Variants in TLN2 observed in about 807,000 individuals in gnomAD.
TLN2 encodes talin-2.
Under a neutral mutation model 294.7 loss-of-function variants are expected in TLN2, and 118 were observed. The ratio of observed to expected loss-of-function variants is 0.40; its 90% CI spans 0.34 to 0.47. The LOEUF (loss-of-function observed/expected upper bound fraction) is 0.47. TLN2 is among the 20% of genes least tolerant of loss of function. TLN2 has a pLI of 0.84. For synonymous variants in TLN2, 1,431 were observed against 1,304.5 expected (o/e 1.10, Z -2.09); for missense variants, 3,083 against 3,282.2 (o/e 0.94, Z 1.48).
intron 1 of TLN2, among the ~76,000 whole-genome samples, chr15:62,585,590 T>C (rs1356310394): frequency 6.6e-6 from 1 of 152,168 alleles, no homozygotes; most frequent in Non-Finnish European, 1.5e-5. Flanking sequence ...TTGCTGATTT[T>C]TGTTCACATC....
intron 1 of TLN2, among the ~76,000 whole-genome samples, chr15:62,571,687 C>A (rs901622962): frequency 6.6e-6 from 1 of 152,198 alleles, no homozygotes; most frequent in Non-Finnish European, 1.5e-5. Flanking sequence ...ATTTTCAATG[C>A]ATGACCCATC....
intron 1 of TLN2, among the ~76,000 whole-genome samples, chr15:62,568,598 C>T (rs1349808320): frequency 5.9e-5 from 9 of 152,176 alleles, no homozygotes; most frequent in Non-Finnish European, 1.2e-4. Context: ...AGCCACTCAT[C>T]AGAGGGTACC....
At chr15:62,688,766 T>C (rs1485893304) in intron 12 of TLN2, among the ~76,000 whole-genome samples, 4 of 152,170 alleles carry the variant, frequency 2.6e-5, no homozygotes, top group Non-Finnish European at 5.9e-5. Context: ...TTTCTGTTAG[T>C]AATTTTTGTT....
chr15:62,582,213 C>CAA, intron 1 of TLN2, among the ~76,000 whole-genome samples: 1 of 131,986 alleles, frequency 7.6e-6, no homozygotes, highest in African/African-American at 2.8e-5. Flanking sequence ...CACACACACA[C>CAA]ACACACACAC....
At chr15:62,680,017 A>G (rs774059142) in intron 11 of TLN2, among the ~76,000 whole-genome samples, 3 of 152,142 alleles carry the variant, frequency 2.0e-5, no homozygotes, top group Non-Finnish European at 2.9e-5. Context: ...TGGGTTCTTT[A>G]TTTTGTTCTT....
At chr15:62,696,528 G>A (rs938765101) in intron 14 of TLN2, among the ~76,000 whole-genome samples, 3 of 152,108 alleles carry the variant, frequency 2.0e-5, no homozygotes, top group African/African-American at 7.2e-5. Flanking sequence ...CTAATATGGT[G>A]AAACCCTGTC....
chr15:62,641,554 C>T (rs1369431062), intron 3 of TLN2, among the ~76,000 whole-genome samples: 1 of 152,042 alleles, frequency 6.6e-6, no homozygotes, highest in Non-Finnish European at 1.5e-5. Context: ...ACTCGGGAGG[C>T]AGAGGTTGCA....
intron 1 of TLN2, among the ~76,000 whole-genome samples, chr15:62,414,494 A>G (rs1299885707): frequency 7.2e-6 from 1 of 139,726 alleles, no homozygotes; most frequent in African/African-American, 2.5e-5. Context: ...TACAAATGCA[A>G]ATTCTCCAAC....
intron 25 of TLN2, among the ~76,000 whole-genome samples, chr15:62,720,746 G>A (rs1291062403): frequency 6.6e-6 from 1 of 151,864 alleles, no homozygotes; most frequent in Non-Finnish European, 1.5e-5. Flanking sequence ...CATATTATGA[G>A]TGTTTATGAT....
chr15:62,704,860 G>C (rs1224883680), intron 19 of TLN2, among the ~76,000 whole-genome samples: 1 of 152,162 alleles, frequency 6.6e-6, no homozygotes, highest in African/African-American at 2.4e-5. Flanking sequence ...ATTATTTGTA[G>C]GCAGGTACCT....
chr15:62,788,176 T>TG (rs1422952245), intron 45 of TLN2, among the ~76,000 whole-genome samples: 1 of 151,002 alleles, frequency 6.6e-6, no homozygotes, highest in African/African-American at 2.4e-5. Context: ...CCGGGCATGG[T>TG]GGGGGGTGCC....
At chr15:62,757,870 C>T (rs2062404350) in intron 37 of TLN2, among the ~76,000 whole-genome samples, 1 of 152,116 alleles carries the variant, frequency 6.6e-6, no homozygotes, top group African/African-American at 2.4e-5. Flanking sequence ...GCAGGGTTTG[C>T]TGGGAGCCAT....
intron 28 of TLN2, among the ~76,000 whole-genome samples, 195 bp downstream of exon 28, chr15:62,727,384 C>T (rs568819471): frequency 1.3e-5 from 2 of 152,210 alleles, no homozygotes; most frequent in African/African-American, 4.8e-5. Flanking sequence ...TTGTGATTCC[C>T]CCAAACCATT....
intron 1 of TLN2, among the ~76,000 whole-genome samples, chr15:62,569,193 C>A (rs1365949926): frequency 6.6e-6 from 1 of 152,190 alleles, no homozygotes; most frequent in Non-Finnish European, 1.5e-5. Flanking sequence ...CCTGTGTAAT[C>A]CAGGATGCTC....
intron 12 of TLN2, among the ~76,000 whole-genome samples, chr15:62,689,886 A>C (rs1390836613): frequency 1.2e-3 from 7 of 6,004 alleles, no homozygotes; most frequent in African/African-American, 2.5e-3. Flanking sequence ...TTATTGGCTG[A>C]CCCCCCTTCC....
At chr15:62,644,311 G>T (rs1596472024) in intron 3 of TLN2, among the ~76,000 whole-genome samples, 1 of 151,940 alleles carries the variant, frequency 6.6e-6, no homozygotes, top group Admixed American at 6.6e-5. Flanking sequence ...CCCTCTGTCT[G>T]TTCTCTTCCC....
intron 9 of TLN2, among the ~76,000 whole-genome samples, chr15:62,659,081 T>A (rs1426347891): frequency 1.3e-5 from 2 of 152,226 alleles, no homozygotes; most frequent in East Asian, 1.9e-4. Context: ...GCGATCCGAA[T>A]GTAGTCATTC....
intron 1 of TLN2, among the ~76,000 whole-genome samples, chr15:62,471,539 C>A (rs1340581043): frequency 1.3e-5 from 2 of 152,176 alleles, no homozygotes; most frequent in Non-Finnish European, 2.9e-5. Flanking sequence ...ATGGCCCTTA[C>A]AGGGAAGTCC....
chr15:62,810,105 C>A, intron 52 of TLN2, 73 bp downstream of exon 52: 1 of 1,294,850 alleles, frequency 7.7e-7, no homozygotes, highest in Non-Finnish European at 1.1e-6. Flanking sequence ...TCAAACTATG[C>A]TTTCCTTGGG....
Sources: allele counts gnomAD v4.1 joint callset (sites outside exome capture counted in the v4.1 genomes callset), GRCh38; gene constraint gnomAD v4.1.1; transcripts MANE v1.5; gene names NCBI Gene and HGNC (gene_info 2026-07-23, HGNC 2026-07-21).